PARM1: variants seen among roughly 807,000 people sequenced by gnomAD.
PARM1 encodes the protein WSC4, cell wall integrity and stress response component 4 homolog.
PARM1 carries 14 observed loss-of-function variants against 24.6 expected under a neutral mutation model. That is an observed-to-expected ratio of 0.57 (90% CI 0.38 to 0.89). The LOEUF (loss-of-function observed/expected upper bound fraction) is 0.89. Ranked by LOEUF, PARM1 falls within the 40% of genes least tolerant of loss-of-function variation. The probability of loss-of-function intolerance (pLI) is 0.00; values close to 1 mark genes in which losing one functional copy is unlikely to be tolerated. For missense variants in PARM1, 362 were observed against 380.4 expected (o/e 0.95, Z 0.40); for synonymous variants, 179 against 156.6 (o/e 1.14, Z -1.07).
chr4:75,005,887 A>G (rs2109789840), intron 1 of PARM1, among the ~76,000 whole-genome samples: 1 of 152,336 alleles, frequency 6.6e-6, no homozygotes, highest in Admixed American at 6.5e-5. Flanking sequence ...TAGGCTGCAC[A>G]CATGGGCTAA....
intron 1 of PARM1, among the ~76,000 whole-genome samples, chr4:74,936,607 C>T (rs1192364493): frequency 6.6e-6 from 1 of 151,870 alleles, no homozygotes; most frequent in African/African-American, 2.4e-5. Flanking sequence ...GCGCCCGCCA[C>T]CACACCCGTC....
intron 1 of PARM1, among the ~76,000 whole-genome samples, chr4:74,946,143 T>C (rs1052279639): frequency 1.3e-5 from 2 of 152,196 alleles, no homozygotes; most frequent in African/African-American, 4.8e-5. Context: ...CATTTTGCCG[T>C]TCAGGTCACT....
intron 1 of PARM1, among the ~76,000 whole-genome samples, chr4:74,990,380 A>G (rs1722442988): frequency 6.6e-6 from 1 of 152,154 alleles, no homozygotes; most frequent in African/African-American, 2.4e-5. Flanking sequence ...CATCTACAAT[A>G]TCAATGTTTC....
At chr4:74,936,086 T>C (rs962743338) in intron 1 of PARM1, among the ~76,000 whole-genome samples, 1 of 152,164 alleles carries the variant, frequency 6.6e-6, no homozygotes, top group Non-Finnish European at 1.5e-5. Context: ...CCTCCCACCT[T>C]GGTCATCCAA....
chr4:74,940,553 A>G (rs183760167), intron 1 of PARM1, among the ~76,000 whole-genome samples: 172 of 152,236 alleles, frequency 1.1e-3, no homozygotes, highest in Admixed American at 2.2e-3. Context: ...TGATCTAACC[A>G]CTTCCTAAAG....
chr4:75,012,787 G>A lies in PARM1; in HGVS notation c.406G>A (p.Ala136Thr), dbSNP rs774842885. ...GGGCACTCCTGAAGCAGGCGTGGCA[G>A]CTACACTGTCGCAGTCCGCTGCTGA... is the stretch of plus-strand genomic sequence containing the variant. ...SSGTPEAGVA[A>T]TLSQSAAEPP... The change falls in exon 2 of 4, where the codon GCT becomes ACT. Residue 136 changes from alanine (A) to threonine (T), a missense_variant. Ala to Thr is a moderately conservative substitution (Grantham distance 58). Transcript: ENST00000307428. 1.9e-6 allele frequency: 3 copies of A among 1,613,990 alleles called. No homozygotes were observed. Among genetic ancestry groups the A allele is most frequent in the East Asian group, 4.5e-5 (2 of 44,886 alleles).
Position 75,046,351 on chromosome 4 carries a change from C to A in PARM1, c.*104C>A, listed in dbSNP as rs1162305358. The A allele has an allele frequency of 2.0e-5, 15 of 739,258 alleles. No individual in the cohort carries two copies. In the East Asian group the frequency reaches 3.9e-4, roughly 19 times the overall value. 45.8% of individuals were successfully genotyped at this position (739,258 alleles called of 1,614,324 possible). A position where few individuals can be genotyped will look rare whatever the true frequency, so the allele number is the denominator to read the frequency against. On this transcript the variant is annotated 3_prime_UTR_variant, in exon 4 of 4. Coordinates refer to ENST00000307428, the MANE Select transcript of PARM1 (RefSeq NM_015393.4). ...ATGCGCATTGAACGACAATCTTAAG[C>A]CCTGTTTTGTTGGTATGGTTGTTTT...
At chr4:75,037,290 T>C (rs893905693) in intron 3 of PARM1, among the ~76,000 whole-genome samples, 4 of 152,174 alleles carry the variant, frequency 2.6e-5, no homozygotes, top group African/African-American at 7.2e-5. Flanking sequence ...TCACAACCCA[T>C]AGGGAGCCAT....
At position 75,032,576 on chromosome 4, in the gene PARM1, C is replaced by T. The variant is rs1193091352; in HGVS notation, c.770-1307C>T. ...TAGTACACAAGATATGAGAATTGGT[C>T]CAGGATCATATATTTGCATAGCTCT... On this transcript the variant is annotated intron_variant, in intron 2 of 3. Coordinates refer to ENST00000307428, the MANE Select transcript of PARM1 (RefSeq NM_015393.4). Among the ~76,000 whole-genome samples, 5 of 152,210 alleles carry T rather than the reference C, an allele frequency of 3.3e-5. No homozygotes were observed. In the East Asian group the frequency reaches 9.7e-4, roughly 29 times the overall value.
chr4:75,024,749 A>G (rs1465602186), intron 2 of PARM1, among the ~76,000 whole-genome samples: 1 of 152,064 alleles, frequency 6.6e-6, no homozygotes, highest in African/African-American at 2.4e-5. Flanking sequence ...CCCAGGCTGG[A>G]CTGTGATGGC....
intron 1 of PARM1, among the ~76,000 whole-genome samples, chr4:75,009,935 G>A (rs908571932): frequency 6.6e-6 from 1 of 152,142 alleles, no homozygotes; most frequent in African/African-American, 2.4e-5. Flanking sequence ...AATGAGCAAA[G>A]GGTATGGCAT....
At chr4:75,014,300 G>T (rs781260588) in intron 2 of PARM1, among the ~76,000 whole-genome samples, 4 of 152,308 alleles carry the variant, frequency 2.6e-5, no homozygotes, top group Admixed American at 6.5e-5. Context: ...AAGTCCCAGA[G>T]AATTGCACAT....
At chr4:75,043,648 A>C (rs943480370) in intron 3 of PARM1, among the ~76,000 whole-genome samples, 1 of 152,178 alleles carries the variant, frequency 6.6e-6, no homozygotes, top group Admixed American at 6.5e-5. Context: ...TTATGCTGAA[A>C]TTTAGGCAGA....
At chr4:74,962,439 G>A (rs188007964) in intron 1 of PARM1, among the ~76,000 whole-genome samples, 70 of 152,218 alleles carry the variant, frequency 4.6e-4, no homozygotes, top group African/African-American at 1.6e-3. Flanking sequence ...AATGACAGAA[G>A]TAAGTCTCTT....
At chr4:75,009,787 G>A (rs190169003) in intron 1 of PARM1, among the ~76,000 whole-genome samples, 2 of 152,218 alleles carry the variant, frequency 1.3e-5, no homozygotes, top group African/African-American at 4.8e-5. Context: ...GCTGTCCTAG[G>A]CTCAGGGGAA....
chr4:75,033,918 G>A lies in PARM1; in HGVS notation c.805G>A (p.Val269Met), dbSNP rs1440203353. The change falls in exon 3 of 4, where the codon GTG becomes ATG. Residue 269 changes from valine (V) to methionine (M), a missense_variant. Coordinates refer to ENST00000307428, the MANE Select transcript of PARM1 (RefSeq NM_015393.4). Reference protein sequence around the residue: ...IAAITVTVIAVVLLVFGVAAY... With the variant: ...IAAITVTVIAMVLLVFGVAAY... ...CGCCATTACCGTGACAGTCATTGCCGTGGTGCTGCTGGTGTTTGGAGTTGC... is the reference window on the plus strand; with the variant it reads ...CGCCATTACCGTGACAGTCATTGCCATGGTGCTGCTGGTGTTTGGAGTTGC... 1.9e-6 allele frequency: 3 copies of A among 1,604,304 alleles called. No individual in the cohort carries two copies. The South Asian group carries it at 3.4e-5, about 18-fold the overall frequency.
chr4:75,040,321 T>C (rs905243104), intron 3 of PARM1, among the ~76,000 whole-genome samples: 1 of 152,208 alleles, frequency 6.6e-6, no homozygotes, highest in African/African-American at 2.4e-5. Flanking sequence ...CTTCCAATAG[T>C]AATGCCATCT....
rs568583303 is a variant in PARM1 at position 75,048,412 on chromosome 4, G to T, written c.*2165G>T. The stretch of plus-strand genomic sequence containing the variant: ...ATGACCAAGGGCGCCCCTTCTGGCC[G>T]TGCTTGGCTTGAGTAACTGTCTCTC... On this transcript the variant is annotated 3_prime_UTR_variant, in exon 4 of 4. Coordinates refer to ENST00000307428, the MANE Select transcript of PARM1 (RefSeq NM_015393.4). 3.3e-5 allele frequency: 5 copies of T among 152,176 alleles called. No homozygotes were observed. The highest frequency in any genetic ancestry group is 1.2e-4 in the African/African-American group (5 of 41,444). The allele number at this position is 152,176 out of a possible 1,614,324, so 9.4% of individuals were successfully genotyped here.
chr4:75,024,334 T>A (rs1354827802), intron 2 of PARM1, among the ~76,000 whole-genome samples: 1 of 152,046 alleles, frequency 6.6e-6, no homozygotes, highest in East Asian at 1.9e-4. Context: ...TAGCTAGTGG[T>A]TCCTAGGAGG....
Sources: allele counts gnomAD v4.1 joint callset (sites outside exome capture counted in the v4.1 genomes callset), GRCh38; gene constraint gnomAD v4.1.1; transcripts MANE v1.5; gene names NCBI Gene and HGNC (gene_info 2026-07-23, HGNC 2026-07-21).